Variants in PCDH9 observed in about 807,000 individuals in gnomAD.
PCDH9 encodes protocadherin 9.
Under a neutral mutation model 70.6 loss-of-function variants are expected in PCDH9, and 24 were observed. The observed-to-expected ratio is 0.34, with a 90% CI of 0.25 to 0.48. The LOEUF is 0.48. PCDH9 is among the 20% of genes least tolerant of loss of function. The pLI is 0.99. For missense variants in PCDH9, 1,281 were observed against 1,503.6 expected (o/e 0.85, Z 2.45); for synonymous variants, 562 against 558.5 (o/e 1.01, Z -0.09).
intron 3 of PCDH9, among the ~76,000 whole-genome samples, chr13:66,670,878 G>A (rs1337866114): frequency 6.7e-6 from 1 of 149,084 alleles, no homozygotes; most frequent in Non-Finnish European, 1.5e-5. Context: ...GATCATTAGG[G>A]TAGGCCCTTA....
chr13:67,091,529 A>G (rs1417622171), intron 2 of PCDH9, among the ~76,000 whole-genome samples: 1 of 152,112 alleles, frequency 6.6e-6, no homozygotes, highest in Admixed American at 6.6e-5. Flanking sequence ...TATGCCCAAC[A>G]ATCTGAGATG....
At chr13:67,003,974 G>A (rs2084297254) in intron 2 of PCDH9, among the ~76,000 whole-genome samples, 1 of 152,076 alleles carries the variant, frequency 6.6e-6, no homozygotes, top group Non-Finnish European at 1.5e-5. Flanking sequence ...AGACCTGACC[G>A]AGCCTCTGAT....
chr13:67,004,799 T>C (rs1454426850), intron 2 of PCDH9, among the ~76,000 whole-genome samples: 1 of 152,096 alleles, frequency 6.6e-6, no homozygotes, highest in Non-Finnish European at 1.5e-5. Flanking sequence ...ATCAAATTTA[T>C]GGGATTTGGG....
intron 2 of PCDH9, among the ~76,000 whole-genome samples, chr13:67,146,200 T>C (rs2087519386): frequency 6.6e-6 from 1 of 152,148 alleles, no homozygotes; most frequent in Non-Finnish European, 1.5e-5. Flanking sequence ...ATACTTGACA[T>C]TGAATAAGAA....
intron 2 of PCDH9, among the ~76,000 whole-genome samples, chr13:67,050,633 G>T (rs1210615648): frequency 1.3e-5 from 2 of 152,104 alleles, no homozygotes; most frequent in Non-Finnish European, 2.9e-5. Flanking sequence ...TTGTCATTTG[G>T]CTCAAACTTA....
intron 3 of PCDH9, among the ~76,000 whole-genome samples, chr13:66,688,488 T>C (rs1191041766): frequency 2.0e-5 from 3 of 152,134 alleles, no homozygotes; most frequent in African/African-American, 4.8e-5. Flanking sequence ...ATGCACAAAG[T>C]GTTAATATAT....
chr13:67,073,621 A>G (rs2085811776), intron 2 of PCDH9, among the ~76,000 whole-genome samples: 1 of 152,080 alleles, frequency 6.6e-6, no homozygotes, highest in Non-Finnish European at 1.5e-5. Context: ...TAGTTTTGAG[A>G]TTCAAAATCT....
At chr13:66,558,794 T>G (rs1278959805) in intron 4 of PCDH9, among the ~76,000 whole-genome samples, 1 of 152,002 alleles carries the variant, frequency 6.6e-6, no homozygotes, top group Non-Finnish European at 1.5e-5. Context: ...AAGCTAAAAT[T>G]TGGTTCTCAA....
intron 2 of PCDH9, chr13:67,207,109 A>G (rs1265764046): frequency 6.6e-6 from 1 of 150,862 alleles, no homozygotes; most frequent in Non-Finnish European, 1.5e-5. Flanking sequence ...TCATAATGCT[A>G]TGTGCTCAGT....
rs1262466878 is a variant in PCDH9 at position 66,983,504 on chromosome 13, G to A, written c.3037-79899C>T. 2.0e-5 allele frequency among the ~76,000 whole-genome samples: 3 copies of A among 152,018 alleles called. No homozygotes were observed. The South Asian group carries it at 6.2e-4, about 32-fold the overall frequency. The stretch of plus-strand genomic sequence containing the variant: ...AATTAGCCAAATATAAATAGTCTTT[G>A]GATTATTCACTGCTTTACTTTATCC... On this transcript the variant is annotated intron_variant, in intron 2 of 4. Transcript: ENST00000377865.
At chr13:66,585,663 C>G (rs774022498) in intron 4 of PCDH9, among the ~76,000 whole-genome samples, 1 of 152,092 alleles carries the variant, frequency 6.6e-6, no homozygotes. Context: ...ATGACACTAA[C>G]ACTAGGCAGA....
At chr13:66,896,520 C>G (rs1419070606) in intron 3 of PCDH9, among the ~76,000 whole-genome samples, 1 of 151,924 alleles carries the variant, frequency 6.6e-6, no homozygotes, top group Non-Finnish European at 1.5e-5. Flanking sequence ...AACCATATGC[C>G]AGATTTACAT....
At chr13:66,752,126 C>G (rs1205410074) in intron 3 of PCDH9, among the ~76,000 whole-genome samples, 2 of 152,034 alleles carry the variant, frequency 1.3e-5, no homozygotes. Context: ...CAGCAGAAGC[C>G]AAGTCTCAAG....
At chr13:66,833,354 T>C (rs2080961028) in intron 3 of PCDH9, among the ~76,000 whole-genome samples, 1 of 152,192 alleles carries the variant, frequency 6.6e-6, no homozygotes, top group Non-Finnish European at 1.5e-5. Flanking sequence ...TGTATTTCTA[T>C]ATGTGTAAAT....
intron 3 of PCDH9, among the ~76,000 whole-genome samples, chr13:66,642,081 T>C (rs1298999188): frequency 6.6e-6 from 1 of 152,048 alleles, no homozygotes; most frequent in Admixed American, 6.5e-5. Context: ...ATATATACAT[T>C]TGTGAGCATA....
intron 2 of PCDH9, among the ~76,000 whole-genome samples, chr13:67,048,562 A>G (rs568515414): frequency 2.6e-5 from 4 of 152,322 alleles, no homozygotes; most frequent in African/African-American, 7.2e-5. Flanking sequence ...CAGAGGAAGG[A>G]GGCCAAAAGA....
intron 2 of PCDH9, among the ~76,000 whole-genome samples, chr13:67,077,562 A>G (rs1268565110): frequency 7.2e-5 from 11 of 152,192 alleles, no homozygotes; most frequent in Non-Finnish European, 1.6e-4. Flanking sequence ...GTCTCTTTGT[A>G]TCACTGATGT....
chr13:66,516,885 C>T (rs1439197174), intron 4 of PCDH9, among the ~76,000 whole-genome samples: 1 of 152,056 alleles, frequency 6.6e-6, no homozygotes, highest in Non-Finnish European at 1.5e-5. Context: ...TTTAATACAT[C>T]TACAGTGAGT....
At chr13:67,023,905 C>T (rs1030311128) in intron 2 of PCDH9, among the ~76,000 whole-genome samples, 1 of 151,584 alleles carries the variant, frequency 6.6e-6, no homozygotes, top group Non-Finnish European at 1.5e-5. Flanking sequence ...ATATCAATAA[C>T]AGACCAAACT....
Sources: allele counts gnomAD v4.1 joint callset (sites outside exome capture counted in the v4.1 genomes callset), GRCh38; gene constraint gnomAD v4.1.1; transcripts MANE v1.5; gene names NCBI Gene and HGNC (gene_info 2026-07-23, HGNC 2026-07-21).